Variants in CTNNA3 observed in about 807,000 individuals in gnomAD.
The protein encoded by CTNNA3 is catenin alpha-3.
CTNNA3 carries 76 observed loss-of-function variants against 95.7 expected under a neutral mutation model. The observed-to-expected ratio is 0.79, with a 90% CI of 0.66 to 0.96. The LOEUF is 0.96. Among genes scored for constraint, CTNNA3 ranks in the 40% least tolerant of loss-of-function variants. CTNNA3 has a pLI of 0.00. For missense variants in CTNNA3, 1,191 were observed against 1,089.8 expected, an observed-to-expected ratio of 1.09 and a Z score of -1.31; for synonymous variants, 431 against 374.4, an observed-to-expected ratio of 1.15 and a Z score of -1.74.
At chr10:66,349,644 G>C (rs1020352600) in intron 12 of CTNNA3, among the ~76,000 whole-genome samples, 4 of 151,992 alleles carry the variant, frequency 2.6e-5, no homozygotes, top group African/African-American at 9.7e-5. Context: ...TGAATTATCA[G>C]GATGATCTTT....
chr10:66,640,923 A>G (rs1314657996), intron 9 of CTNNA3, among the ~76,000 whole-genome samples: 2 of 152,190 alleles, frequency 1.3e-5, no homozygotes, highest in Non-Finnish European at 2.9e-5. Context: ...CATTGAGCAA[A>G]TGAACGCATG....
chr10:67,145,517 G>A (rs1386516661), intron 7 of CTNNA3, among the ~76,000 whole-genome samples: 7 of 150,630 alleles, frequency 4.6e-5, no homozygotes, highest in African/African-American at 7.3e-5. Flanking sequence ...TGCAACCTTC[G>A]CCTCCTGGGT....
intron 5 of CTNNA3, among the ~76,000 whole-genome samples, chr10:67,448,326 A>G (rs1846831574): frequency 6.6e-6 from 1 of 152,210 alleles, no homozygotes; most frequent in Non-Finnish European, 1.5e-5. Context: ...AACTCCAATC[A>G]AAACTCCAAT....
intron 13 of CTNNA3, among the ~76,000 whole-genome samples, chr10:66,223,989 GA>G (rs1167674670): frequency 6.6e-6 from 1 of 152,078 alleles, no homozygotes; most frequent in African/African-American, 2.4e-5. Context: ...TTGAGCCCAG[GA>G]GTTCAGGACT....
intron 5 of CTNNA3, among the ~76,000 whole-genome samples, chr10:67,504,751 C>T (rs1839381423): frequency 6.6e-6 from 1 of 152,122 alleles, no homozygotes; most frequent in South Asian, 2.1e-4. Context: ...AAAGGTCAAA[C>T]ATGTTAGATA....
At chr10:66,913,080 A>C (rs950884417) in intron 7 of CTNNA3, among the ~76,000 whole-genome samples, 1 of 151,934 alleles carries the variant, frequency 6.6e-6, no homozygotes, top group East Asian at 1.9e-4. Flanking sequence ...TCTACTAAAA[A>C]TACAAAAAAT....
chr10:66,854,888 G>T lies in CTNNA3; in HGVS notation c.1048-79364C>A, dbSNP rs544537357. ...AGATATAAGTTAGAATTATGGCCCT[G>T]GATACTGGCTGAGTATACCAGAGTA... On this transcript the variant is annotated intron_variant, in intron 7 of 17. Transcript: ENST00000433211. Among the ~76,000 whole-genome samples, 259 of 151,828 alleles carry T rather than the reference G, an allele frequency of 1.7e-3. 1 individual carries two copies. Among genetic ancestry groups the T allele is most frequent in the African/African-American group, 6.0e-3 (249 of 41,476 alleles).
At chr10:67,042,046 GCTGAGAGACAAAAAAAGGC>G (rs1564849806) in intron 7 of CTNNA3, among the ~76,000 whole-genome samples, 2 of 152,084 alleles carry the variant, frequency 1.3e-5, no homozygotes, top group African/African-American at 4.8e-5. Flanking sequence ...CAGAGCTGAG[GCTGAGAGACAAAAAAAGGC>G]CTATGTGGTA....
chr10:66,103,039 A>G, intron 14 of CTNNA3, 118 bp downstream of exon 14: 1 of 770,420 alleles, frequency 1.3e-6, no homozygotes. Flanking sequence ...CATGTGCTTC[A>G]CAGAACTAGC....
chr10:66,546,440 G>C (rs936224229), intron 10 of CTNNA3, among the ~76,000 whole-genome samples: 9 of 151,970 alleles, frequency 5.9e-5, no homozygotes, highest in Admixed American at 1.3e-4. Flanking sequence ...CCTTGATTCA[G>C]TACAACATGG....
intron 8 of CTNNA3, among the ~76,000 whole-genome samples, chr10:66,768,264 G>C (rs1216195923): frequency 1.3e-5 from 2 of 151,496 alleles, no homozygotes; most frequent in South Asian, 4.2e-4. Context: ...ATTGAGACAT[G>C]TAGAAGGAAA....
chr10:66,237,353 T>C (rs1214589123), intron 13 of CTNNA3, among the ~76,000 whole-genome samples: 4 of 152,254 alleles, frequency 2.6e-5, no homozygotes, highest in Non-Finnish European at 5.9e-5. Context: ...ATCAGGGGAA[T>C]TGTTGTATTT....
In CTNNA3 at chr10:66,779,618, C is replaced by G. The variant is rs546077987; in HGVS notation, c.1048-4094G>C. ...CCTCAGGTGATCCTCCTGCCTTGGCCTCCCAGTGCTGGGATTACAGGCATA... is the reference window on the plus strand; with the variant it reads ...CCTCAGGTGATCCTCCTGCCTTGGCGTCCCAGTGCTGGGATTACAGGCATA... On this transcript the variant is annotated intron_variant, in intron 7 of 17. Transcript: ENST00000433211. Among the ~76,000 whole-genome samples, 3 of 152,320 alleles carry G rather than the reference C, an allele frequency of 2.0e-5. No homozygotes were observed. The East Asian group carries it at 5.8e-4, about 29-fold the overall frequency.
chr10:66,720,997 G>A (rs527806753), intron 9 of CTNNA3, among the ~76,000 whole-genome samples: 178 of 152,216 alleles, frequency 1.2e-3, no homozygotes, highest in African/African-American at 4.0e-3. Context: ...TCACAGCCTC[G>A]GGGCAGACCC....
intron 5 of CTNNA3, among the ~76,000 whole-genome samples, chr10:67,237,120 G>GTATATATATA (rs1491319724): frequency 1.0e-3 from 16 of 15,658 alleles, no homozygotes; most frequent in Non-Finnish European, 1.6e-3. Flanking sequence ...AGAAACTATG[G>GTATATATATA]TGTATGTATA....
At chr10:66,158,032 G>A (rs1248849648) in intron 13 of CTNNA3, among the ~76,000 whole-genome samples, 4 of 151,910 alleles carry the variant, frequency 2.6e-5, no homozygotes, top group African/African-American at 9.7e-5. Context: ...TTACTGATTT[G>A]TTTGAGTTCA....
At chr10:66,222,359 AT>A (rs1263561497) in intron 13 of CTNNA3, among the ~76,000 whole-genome samples, 1 of 152,198 alleles carries the variant, frequency 6.6e-6, no homozygotes, top group Non-Finnish European at 1.5e-5. Flanking sequence ...ATGTCTACAC[AT>A]TCTCTGCATA....
At chr10:65,945,158 G>GTATATATATA (rs772460697) in intron 17 of CTNNA3, among the ~76,000 whole-genome samples, 2 of 148,934 alleles carry the variant, frequency 1.3e-5, no homozygotes, top group Admixed American at 1.3e-4. Context: ...GTGTGTGTGT[G>GTATATATATA]TGTATATATA....
intron 2 of CTNNA3, among the ~76,000 whole-genome samples, chr10:67,613,067 A>C (rs142086317): frequency 1.2e-3 from 185 of 152,296 alleles, no homozygotes; most frequent in African/African-American, 4.4e-3. Flanking sequence ...CTTTTGAGGC[A>C]ATTTTGATCT....
Sources: allele counts gnomAD v4.1 joint callset (sites outside exome capture counted in the v4.1 genomes callset), GRCh38; gene constraint gnomAD v4.1.1; transcripts MANE v1.5; gene names NCBI Gene and HGNC (gene_info 2026-07-23, HGNC 2026-07-21).